Variants in ATF1 observed in about 807,000 individuals in gnomAD.
ATF1 encodes the protein activating transcription factor 1.
In ATF1, 16 loss-of-function variants were observed where a neutral mutation model predicts 34.7. That is an observed-to-expected ratio of 0.46 (90% CI 0.31 to 0.70). The LOEUF (loss-of-function observed/expected upper bound fraction) is 0.70, where lower values mean the gene tolerates loss of function less well. Among genes scored for constraint, ATF1 ranks in the 30% least tolerant of loss-of-function variants. The pLI, the probability that ATF1 is intolerant of heterozygous loss-of-function variation, is 0.05. For synonymous variants in ATF1, 105 were observed against 113.1 expected (o/e 0.93, Z 0.46); for missense variants, 255 against 321.6 (o/e 0.79, Z 1.58).
In ATF1 at chr12:50,805,724, A is replaced by G. The variant is rs568039253; in HGVS notation, c.195-3732A>G. ...TCTTACAGACATTTGCAGGGTTACC[A>G]TGTTTTCCTTCCTTATGAACACTCC... On this transcript the variant is annotated intron_variant, in intron 3 of 6. Transcript: ENST00000262053. 2.0e-5 allele frequency among the ~76,000 whole-genome samples: 3 copies of G among 152,244 alleles called. No homozygotes were observed. The South Asian group carries it at 6.2e-4, about 32-fold the overall frequency.
intron 1 of ATF1, among the ~76,000 whole-genome samples, chr12:50,773,444 CTTTTT>C (rs71086476): frequency 1.3e-4 from 12 of 89,588 alleles, no homozygotes; most frequent in East Asian, 6.4e-4. Flanking sequence ...AATTGCCATT[CTTTTT>C]TTTTTTTTTT....
At chr12:50,795,011 A>G (rs985945386) in intron 2 of ATF1, among the ~76,000 whole-genome samples, 1 of 152,224 alleles carries the variant, frequency 6.6e-6, no homozygotes, top group Admixed American at 6.5e-5. Context: ...TATTATATTG[A>G]TGTAGTTTAT....
At chr12:50,772,732 A>T (rs1352446872) in intron 1 of ATF1, among the ~76,000 whole-genome samples, 1 of 151,910 alleles carries the variant, frequency 6.6e-6, no homozygotes, top group Non-Finnish European at 1.5e-5. Context: ...TTTGTTACCC[A>T]GGCTGGAGTG....
chr12:50,778,007 C>T (rs1372344468), intron 1 of ATF1, among the ~76,000 whole-genome samples: 1 of 149,226 alleles, frequency 6.7e-6, no homozygotes, highest in Non-Finnish European at 1.5e-5. Context: ...AGCCTTGACT[C>T]CTGGGCTGCA....
chr12:50,810,377 T>A (rs1316596346), intron 4 of ATF1, among the ~76,000 whole-genome samples: 1 of 150,996 alleles, frequency 6.6e-6, no homozygotes, highest in Non-Finnish European at 1.5e-5. Context: ...ACCACTTCGC[T>A]TGGCTAATTT....
intron 4 of ATF1, among the ~76,000 whole-genome samples, chr12:50,811,436 G>T (rs1373059200): frequency 6.6e-6 from 1 of 151,774 alleles, no homozygotes; most frequent in Non-Finnish European, 1.5e-5. Context: ...CATATAGTAG[G>T]CTTTCAGTTG....
chr12:50,794,102 C>T (rs969975061), intron 2 of ATF1, among the ~76,000 whole-genome samples: 1 of 151,838 alleles, frequency 6.6e-6, no homozygotes, highest in East Asian at 2.0e-4. Flanking sequence ...AGGCGCCTAC[C>T]ACCAGGCCCG....
intron 3 of ATF1, among the ~76,000 whole-genome samples, chr12:50,804,955 G>A (rs918426156): frequency 9.2e-5 from 14 of 151,756 alleles, no homozygotes; most frequent in East Asian, 1.9e-4. Flanking sequence ...GACTACAGGC[G>A]CCCACCACCA....
intron 2 of ATF1, chr12:50,788,187 C>CTTT: frequency 4.7e-6 from 2 of 423,888 alleles, no homozygotes; most frequent in Admixed American, 2.6e-5. Context: ...TATAGCCAAT[C>CTTT]TTTTTTTTTT....
chr12:50,793,633 CAAAA>C (rs10711973), intron 2 of ATF1, among the ~76,000 whole-genome samples: 1 of 118,748 alleles, frequency 8.4e-6, no homozygotes. Flanking sequence ...GACTCCATCT[CAAAA>C]AAAAAAAAAA....
chr12:50,820,082 T>C lies in ATF1; in HGVS notation c.*303T>C, dbSNP rs1941919364. ...TGCCAATCTAAAATGGCAGAGAAGA[T>C]GAAATTTGATAAACTGAATTTTTTT... On this transcript the variant is annotated 3_prime_UTR_variant, in exon 7 of 7. Coordinates refer to ENST00000262053, the MANE Select transcript of ATF1 (RefSeq NM_005171.5). 7.7e-6 allele frequency: 2 copies of C among 258,816 alleles called. No individual in the cohort carries two copies. The highest frequency in any genetic ancestry group is 5.1e-5 in the Admixed American group (1 of 19,640). The allele number at this position is 258,816 out of a possible 1,614,324, so 16.0% of individuals were successfully genotyped here. A position where few individuals can be genotyped will look rare whatever the true frequency, so the allele number is the denominator to read the frequency against.
chr12:50,775,194 C>T (rs974145881), intron 1 of ATF1, among the ~76,000 whole-genome samples: 39 of 151,908 alleles, frequency 2.6e-4, no homozygotes, highest in Non-Finnish European at 5.1e-4. Context: ...ATCCTCCTGC[C>T]TCAACCTCCT....
intron 4 of ATF1, among the ~76,000 whole-genome samples, chr12:50,809,869 T>C (rs1941698369): frequency 1.3e-5 from 2 of 152,156 alleles, no homozygotes; most frequent in Non-Finnish European, 2.9e-5. Flanking sequence ...GTCTCGCTCT[T>C]GTTGCCCAGG....
At chr12:50,773,556 A>G (rs1940834760) in intron 1 of ATF1, among the ~76,000 whole-genome samples, 2 of 146,208 alleles carry the variant, frequency 1.4e-5, no homozygotes, top group South Asian at 4.4e-4. Context: ...CAGCCTCCCA[A>G]GTAGCTGGGA....
intron 2 of ATF1, among the ~76,000 whole-genome samples, chr12:50,786,091 A>AT (rs986942302): frequency 3.9e-4 from 59 of 152,262 alleles, no homozygotes; most frequent in African/African-American, 1.0e-3. Flanking sequence ...ATCCAAGTAG[A>AT]TTTATCCAGT....
In ATF1 at chr12:50,778,159, T is replaced by C. The variant is rs148629917; in HGVS notation, c.-6-1981T>C. ...TCAAACTCCTGGGCTCATGTTATTC[T>C]TGTGCCTCAGCCTCCCAATGTGTTG... On this transcript the variant is annotated intron_variant, in intron 1 of 6. Coordinates refer to ENST00000262053, the MANE Select transcript of ATF1 (RefSeq NM_005171.5). 1.2e-4 allele frequency among the ~76,000 whole-genome samples: 19 copies of C among 152,096 alleles called. No homozygotes were observed. The East Asian group carries it at 3.7e-3, about 29-fold the overall frequency.
chr12:50,812,567 C>T (rs1183983185), intron 4 of ATF1, among the ~76,000 whole-genome samples: 1 of 152,150 alleles, frequency 6.6e-6, no homozygotes, highest in African/African-American at 2.4e-5. Flanking sequence ...CGTGTTGGAT[C>T]ACGCCTGTAA....
chr12:50,815,778 G>GGAAAA, intron 6 of ATF1, among the ~76,000 whole-genome samples: 1 of 152,152 alleles, frequency 6.6e-6, no homozygotes, highest in South Asian at 2.1e-4. Flanking sequence ...TCTACCCAAA[G>GGAAAA]GAAAAGAAAT....
intron 3 of ATF1, among the ~76,000 whole-genome samples, chr12:50,802,088 T>G (rs552982980): frequency 5.9e-5 from 9 of 152,318 alleles, no homozygotes; most frequent in African/African-American, 1.9e-4. Flanking sequence ...AAAAATCAAC[T>G]GTATTTCCAT....
Sources: gnomAD v4.1 joint callset for allele counts (sites outside exome capture counted in the v4.1 genomes callset) on GRCh38, gnomAD v4.1.1 for gene constraint, MANE v1.5 for transcripts, NCBI Gene and HGNC (gene_info 2026-07-23, HGNC 2026-07-21) for gene names.